Variants in FAM20A observed in about 807,000 individuals in gnomAD.
FAM20A encodes the protein pseudokinase FAM20A.
A neutral mutation model predicts 52.0 loss-of-function variants in FAM20A; 42 were observed. The observed-to-expected ratio is 0.81, with a 90% confidence interval of 0.63 to 1.04. FAM20A has a LOEUF of 1.04. Ranked by LOEUF, FAM20A falls within the 50% of genes least tolerant of loss-of-function variation. FAM20A has a pLI of 0.00. For synonymous variants in FAM20A, 304 were observed against 298.9 expected (o/e 1.02, Z -0.18); for missense variants, 742 against 712.7 (o/e 1.04, Z -0.47).
At position 68,600,729 on chromosome 17, in the gene FAM20A, C is replaced by A; in HGVS notation, c.-63G>T. 1 of 1,501,296 alleles carries A rather than the reference C, an allele frequency of 6.7e-7. No individual in the cohort carries two copies. Among genetic ancestry groups the A allele is most frequent in the South Asian group, 1.3e-5 (1 of 79,422 alleles). 93.0% of individuals were successfully genotyped at this position (1,501,296 alleles called of 1,614,324 possible). The stretch of plus-strand genomic sequence containing the variant: ...CTGTCTCCGGGGTCCCGGGAGGGGT[C>A]GCGGGGTGCGGGCAGAAGAGGTGCC... On this transcript the variant is annotated 5_prime_UTR_variant, in exon 1 of 11. Coordinates refer to ENST00000592554, the MANE Select transcript of FAM20A (RefSeq NM_017565.4). The surrounding 1 kb of genome is among the most constrained non-coding windows in gnomAD (Gnocchi z 6.2).
intron 4 of FAM20A, among the ~76,000 whole-genome samples, chr17:68,546,754 C>T (rs543683739): frequency 1.2e-3 from 180 of 147,096 alleles, no homozygotes; most frequent in African/African-American, 4.1e-3. Context: ...GGCGTGAACC[C>T]GGGAGGTGGA....
At chr17:68,571,057 G>T (rs1011054639) in intron 1 of FAM20A, among the ~76,000 whole-genome samples, 1 of 152,168 alleles carries the variant, frequency 6.6e-6, no homozygotes, top group Admixed American at 6.5e-5. Flanking sequence ...GACCTGCAGA[G>T]GTTCATGAAG....
Position 68,543,656 on chromosome 17 carries a change from G to A in FAM20A, c.785C>T (p.Ala262Val). 2 of 1,614,120 alleles carry A rather than the reference G, an allele frequency of 1.2e-6. No homozygotes were observed. Among genetic ancestry groups the A allele is most frequent in the South Asian group, 1.1e-5 (1 of 91,078 alleles). ...FYFIDFQRHN[A>V]EIAAFHLDRI... ...GTCCAGATGGAAAGCTGCGATCTCA[G>A]CATTGTGTCTCTGAAAGTCAATGAA... Residue 262 changes from alanine to valine, a missense_variant, in exon 5 of 11, where the codon GCT becomes GTT. Physicochemically the swap from Ala to Val is moderately conservative, Grantham distance 64. Transcript: ENST00000592554.
chr17:68,555,843 C>G (rs2087036750), intron 1 of FAM20A, 100 bp from the exon 2 acceptor site: 1 of 1,363,342 alleles, frequency 7.3e-7, no homozygotes, highest in African/African-American at 1.4e-5. Flanking sequence ...ATTTATTCCA[C>G]AAGTGTATTA....
At chr17:68,571,002 G>T (rs896229117) in intron 1 of FAM20A, among the ~76,000 whole-genome samples, 2 of 152,158 alleles carry the variant, frequency 1.3e-5, no homozygotes, top group African/African-American at 4.8e-5. Flanking sequence ...AGATGGAGAG[G>T]TATGATGGGG....
rs3744504 is a variant in FAM20A, at chr17:68,585,752, C to T, written c.404+14511G>A. 6.6e-5 allele frequency among the ~76,000 whole-genome samples: 10 copies of T among 152,276 alleles called. No individual in the cohort carries two copies. The East Asian group carries it at 9.6e-4, about 15-fold the overall frequency. The stretch of plus-strand genomic sequence containing the variant: ...GACAAGAAAGCAGGCTTGATCACCA[C>T]GATCGCGAATGGGTGGGGTGGTGCC... On this transcript the variant is annotated intron_variant, in intron 1 of 10. Transcript: ENST00000592554.
At chr17:68,567,771 G>C (rs2087420537) in intron 1 of FAM20A, among the ~76,000 whole-genome samples, 1 of 151,996 alleles carries the variant, frequency 6.6e-6, no homozygotes, top group Non-Finnish European at 1.5e-5. Flanking sequence ...GAAGGGACCA[G>C]GTCAAGGTGA....
intron 7 of FAM20A, chr17:68,541,711 G>C (rs1436284450): frequency 5.3e-6 from 2 of 379,836 alleles, no homozygotes; most frequent in Admixed American, 8.0e-5. Flanking sequence ...CTCCCCACTA[G>C]ACCAAGGAGC....
intron 1 of FAM20A, among the ~76,000 whole-genome samples, chr17:68,597,557 G>A (rs996794711): frequency 3.3e-5 from 5 of 152,222 alleles, no homozygotes; most frequent in South Asian, 2.1e-4. Flanking sequence ...ACTAATTTTT[G>A]TATTTTTAAT....
intron 4 of FAM20A, chr17:68,551,129 CTG>C (rs2086816339): frequency 8.1e-7 from 1 of 1,234,258 alleles, no homozygotes. Context: ...GGCTAAGGCA[CTG>C]GGGCCGAACT....
At position 68,571,012 on chromosome 17, in the gene FAM20A, G is replaced by C. The variant is rs539190463; in HGVS notation, c.405-15269C>G. Among the ~76,000 whole-genome samples, 7 of 152,232 alleles carry C rather than the reference G, an allele frequency of 4.6e-5. No homozygotes were observed. In the East Asian group the frequency reaches 1.4e-3, roughly 29 times the overall value. ...GTGTCAGATGGAGAGGTATGATGGG[G>C]TCCGCCCAGTCCCATCACCTGGGTT... On this transcript the variant is annotated intron_variant, in intron 1 of 10. Coordinates refer to ENST00000592554, the MANE Select transcript of FAM20A (RefSeq NM_017565.4).
At chr17:68,570,936 C>T (rs919405339) in intron 1 of FAM20A, among the ~76,000 whole-genome samples, 3 of 152,026 alleles carry the variant, frequency 2.0e-5, no homozygotes, top group African/African-American at 7.3e-5. Context: ...TTATTTGAAC[C>T]CCTGTACATT....
intron 1 of FAM20A, among the ~76,000 whole-genome samples, chr17:68,588,088 T>G (rs2088207325): frequency 6.7e-6 from 1 of 148,334 alleles, no homozygotes; most frequent in Non-Finnish European, 1.5e-5. Flanking sequence ...ACAGGAGGAA[T>G]GCCAAGAGAG....
At chr17:68,584,184 G>A (rs922959092) in intron 1 of FAM20A, among the ~76,000 whole-genome samples, 1 of 152,034 alleles carries the variant, frequency 6.6e-6, no homozygotes, top group African/African-American at 2.4e-5. Context: ...AGGTGTGGTG[G>A]CACACGCCTG....
rs547146855 is a variant in FAM20A, at chr17:68,546,809, G to A, written c.720-3088C>T. Among the ~76,000 whole-genome samples, 75 of 144,354 alleles carry A rather than the reference G, an allele frequency of 5.2e-4. 1 individual carries two copies. In the South Asian group the frequency reaches 9.2e-3, roughly 18 times the overall value. 94.7% of individuals were successfully genotyped at this position (144,354 alleles called of 152,430 possible). ...TGAGCCACTGGACTCCAGCCTGGGC[G>A]AGAGTGCGAGACTACGGCTCAAAAA... On this transcript the variant is annotated intron_variant, in intron 4 of 10. Coordinates refer to ENST00000592554, the MANE Select transcript of FAM20A (RefSeq NM_017565.4).
Position 68,536,826 on chromosome 17 carries a change from TG to T in FAM20A, c.*650del, listed in dbSNP as rs751494832. Reference sequence around the variant, plus strand: ...ATTTCAATTGTAATACTCTTCAAATTGGAACACTCCTTTTCTGATATTCTTA... The same window carrying T: ...ATTTCAATTGTAATACTCTTCAAATTGAACACTCCTTTTCTGATATTCTTA... On this transcript the variant is annotated 3_prime_UTR_variant, in exon 11 of 11. Transcript: ENST00000592554. 5 of 454,010 alleles carry T rather than the reference TG, an allele frequency of 1.1e-5. No homozygotes were observed. The highest frequency in any genetic ancestry group is 2.2e-5 in the Non-Finnish European group (5 of 226,808). 28.1% of individuals were successfully genotyped at this position (454,010 alleles called of 1,614,324 possible). A position where few individuals can be genotyped will look rare whatever the true frequency, so the allele number is the denominator to read the frequency against.
At chr17:68,538,288 CTTAA>C (rs1414096469) in intron 10 of FAM20A, among the ~76,000 whole-genome samples, 1 of 152,214 alleles carries the variant, frequency 6.6e-6, no homozygotes, top group Non-Finnish European at 1.5e-5. Context: ...GTGTAAGCAG[CTTAA>C]TTGACTTTTG....
In FAM20A at chr17:68,535,840, T is replaced by TA. The variant is rs1442411610; in HGVS notation, c.*1636dup. 3 of 453,734 alleles carry TA rather than the reference T, an allele frequency of 6.6e-6. No individual in the cohort carries two copies. The highest frequency in any genetic ancestry group is 7.0e-5 in the East Asian group (1 of 14,388). The allele number at this position is 453,734 out of a possible 1,614,324, so 28.1% of individuals were successfully genotyped here. On this transcript the variant is annotated 3_prime_UTR_variant, in exon 11 of 11. Coordinates refer to ENST00000592554, the MANE Select transcript of FAM20A (RefSeq NM_017565.4). ...TTTTAAGCAAACAAATTTGACTTCA[T>TA]AAATTGGGTGGGATACTGTTGGGTT...
At chr17:68,557,106 A>T (rs1196086874) in intron 1 of FAM20A, among the ~76,000 whole-genome samples, 3 of 152,122 alleles carry the variant, frequency 2.0e-5, no homozygotes, top group African/African-American at 7.2e-5. Context: ...AGGCTGAGGC[A>T]GGAGAATCAC....
Sources: allele counts gnomAD v4.1 joint callset (sites outside exome capture counted in the v4.1 genomes callset), GRCh38; gene constraint gnomAD v4.1.1; non-coding constraint Gnocchi (gnomAD v3.1); transcripts MANE v1.5; gene names NCBI Gene and HGNC (gene_info 2026-07-23, HGNC 2026-07-21).